The following TECPR2 variants were observed in gnomAD, a reference collection of about 807,000 sequenced individuals.
The protein encoded by TECPR2 is tectonin beta-propeller repeat-containing protein 2.
A neutral mutation model predicts 138.1 loss-of-function variants in TECPR2; 65 were observed. The ratio of observed to expected loss-of-function variants is 0.47; its 90% confidence interval spans 0.39 to 0.58. The LOEUF (loss-of-function observed/expected upper bound fraction) is 0.58, where lower values mean the gene tolerates loss of function less well. Among genes scored for constraint, TECPR2 ranks in the 20% least tolerant of loss-of-function variants. The pLI is 0.00. For synonymous variants in TECPR2, 746 were observed against 749.8 expected, an observed-to-expected ratio of 0.99 and a Z score of 0.08; for missense variants, 1,553 against 1,824.5, an observed-to-expected ratio of 0.85 and a Z score of 2.71.
At chr14:102,479,016 C>CAAAA (rs34162369) in intron 17 of TECPR2, among the ~76,000 whole-genome samples, 1 of 102,090 alleles carries the variant, frequency 9.8e-6, no homozygotes, top group African/African-American at 3.7e-5. Flanking sequence ...GGCCCTGTCT[C>CAAAA]AAAAAAAAAA....
At chr14:102,374,004 G>A (rs557430784) in intron 1 of TECPR2, among the ~76,000 whole-genome samples, 6 of 150,488 alleles carry the variant, frequency 4.0e-5, no homozygotes, top group Admixed American at 4.0e-4. Context: ...CCCAGGAGGC[G>A]AGTGTTGCAG....
In TECPR2 at chr14:102,496,970, C is replaced by T. The variant is rs771741492; in HGVS notation, c.3790-9C>T. The T allele has an allele frequency of 2.6e-5, 42 of 1,612,884 alleles. No homozygotes were observed. In the East Asian group the frequency reaches 2.9e-4, roughly 11 times the overall value. On this transcript the variant is annotated splice_polypyrimidine_tract_variant and intron_variant, in intron 17 of 19. Coordinates refer to ENST00000359520, the MANE Select transcript of TECPR2 (RefSeq NM_014844.5). ...CCTGCCTTCCCTGAAAGTCCCTTCC[C>T]GCTTCCAGCCCGCCGGGGTCAGCTT...
At chr14:102,398,124 G>T (rs1197230491) in intron 2 of TECPR2, among the ~76,000 whole-genome samples, 1 of 149,884 alleles carries the variant, frequency 6.7e-6, no homozygotes, top group Non-Finnish European at 1.5e-5. Context: ...GGAAAACAGT[G>T]TACAAATAAA....
chr14:102,364,038 G>A (rs902351574), intron 1 of TECPR2, among the ~76,000 whole-genome samples: 2 of 152,158 alleles, frequency 1.3e-5, no homozygotes, highest in Middle Eastern at 3.4e-3. Flanking sequence ...ATTCTGTTCT[G>A]TGACTTATGT....
At chr14:102,495,043 T>C (rs1438999159) in intron 17 of TECPR2, among the ~76,000 whole-genome samples, 1 of 152,070 alleles carries the variant, frequency 6.6e-6, no homozygotes, top group Non-Finnish European at 1.5e-5. Context: ...TGAAACCCAG[T>C]GTCTACAACA....
intron 18 of TECPR2, 163 bp from the exon 19 acceptor site, chr14:102,497,407 G>T: frequency 3.6e-6 from 4 of 1,102,446 alleles, no homozygotes; most frequent in Non-Finnish European, 4.9e-6. Flanking sequence ...CTGCCAACTG[G>T]TCGTCCTTTC....
intron 1 of TECPR2, among the ~76,000 whole-genome samples, chr14:102,374,781 T>C (rs1192030121): frequency 6.6e-6 from 1 of 152,188 alleles, no homozygotes; most frequent in Non-Finnish European, 1.5e-5. Context: ...TTCTCCCACC[T>C]TGGCCTCCCA....
intron 14 of TECPR2, 135 bp from the exon 15 acceptor site, chr14:102,450,425 T>G: frequency 1.3e-6 from 1 of 791,286 alleles, no homozygotes; most frequent in Non-Finnish European, 2.1e-6. Context: ...ATTGCTCATG[T>G]CGCTTTATTT....
chr14:102,478,401 C>T (rs1337373715), intron 17 of TECPR2, among the ~76,000 whole-genome samples: 5 of 151,470 alleles, frequency 3.3e-5, no homozygotes, highest in African/African-American at 4.8e-5. Context: ...TTTAAATGGG[C>T]CGGGTGTGGT....
chr14:102,409,280 C>T (rs1888750847), intron 4 of TECPR2, among the ~76,000 whole-genome samples: 1 of 151,886 alleles, frequency 6.6e-6, no homozygotes, highest in Non-Finnish European at 1.5e-5. Flanking sequence ...GCCTTCATTC[C>T]TAGAGCACTA....
intron 17 of TECPR2, among the ~76,000 whole-genome samples, chr14:102,479,667 G>T (rs1442089381): frequency 6.6e-6 from 1 of 152,196 alleles, no homozygotes; most frequent in Admixed American, 6.5e-5. Context: ...TTGTTTTGGG[G>T]CAGAAGAAGC....
At position 102,501,901 on chromosome 14, in the gene TECPR2, T is replaced by C. The variant is rs761046913; in HGVS notation, c.*3644T>C. On this transcript the variant is annotated 3_prime_UTR_variant, in exon 20 of 20. Coordinates refer to ENST00000359520, the MANE Select transcript of TECPR2 (RefSeq NM_014844.5). ...AAGCAGAGGTGAGATGGGAGCAGCT[T>C]GGGAGCCCCCCATTGGCGCCGCCCT... The C allele has an allele frequency of 1.3e-5, 2 of 152,228 alleles. No homozygotes were observed. Among genetic ancestry groups the C allele is most frequent in the Admixed American group, 6.5e-5 (1 of 15,284 alleles). 9.4% of individuals were successfully genotyped at this position (152,228 alleles called of 1,614,324 possible). A position where few individuals can be genotyped will look rare whatever the true frequency, so the allele number is the denominator to read the frequency against.
rs181612468 is a variant in TECPR2 at position 102,470,971 on chromosome 14, G to A, written c.3789+5682G>A. ...GTAGCTGGGATTACAGGCATGCACC[G>A]CCACACCCAGCTAATTTTTGTATTT... On this transcript the variant is annotated intron_variant, in intron 17 of 19. Coordinates refer to ENST00000359520, the MANE Select transcript of TECPR2 (RefSeq NM_014844.5). Among the ~76,000 whole-genome samples the A allele has an allele frequency of 6.3e-3, 963 of 151,940 alleles. 17 individuals are homozygous for A. The highest frequency in any genetic ancestry group is 0.022 in the African/African-American group (921 of 41,474).
chr14:102,454,284 G>A (rs554547314), intron 16 of TECPR2, among the ~76,000 whole-genome samples: 32 of 152,194 alleles, frequency 2.1e-4, no homozygotes, highest in Non-Finnish European at 4.1e-4. Flanking sequence ...AGCAAGCATC[G>A]TCCTAGGCTG....
At chr14:102,454,715 G>A (rs561413527) in intron 16 of TECPR2, among the ~76,000 whole-genome samples, 2 of 152,360 alleles carry the variant, frequency 1.3e-5, no homozygotes, top group Admixed American at 6.5e-5. Flanking sequence ...AGTTCCCTCT[G>A]AGGGTAAAAA....
chr14:102,441,979 T>TGTC (rs1262605276), intron 11 of TECPR2, among the ~76,000 whole-genome samples: 1 of 152,054 alleles, frequency 6.6e-6, no homozygotes, highest in Non-Finnish European at 1.5e-5. Flanking sequence ...TCCAGGAGAA[T>TGTC]GTTGTTGTTG....
chr14:102,391,582 A>G (rs1888178345), intron 2 of TECPR2, among the ~76,000 whole-genome samples: 1 of 152,162 alleles, frequency 6.6e-6, no homozygotes, highest in Non-Finnish European at 1.5e-5. Context: ...TAAGCTGTAC[A>G]TGTTATATAT....
chr14:102,499,571 T>A lies in TECPR2; in HGVS notation c.*1314T>A. The stretch of plus-strand genomic sequence containing the variant: ...CCCATGCCTTCTGCGGGGTATGGGT[T>A]GACACTTGACAGGTTGAAACCAGTG... On this transcript the variant is annotated 3_prime_UTR_variant, in exon 20 of 20. Coordinates refer to ENST00000359520, the MANE Select transcript of TECPR2 (RefSeq NM_014844.5). 3.1e-6 allele frequency: 1 copy of A among 318,362 alleles called. No individual in the cohort carries two copies. The highest frequency in any genetic ancestry group is 7.3e-5 in the East Asian group (1 of 13,722). The allele number at this position is 318,362 out of a possible 1,614,324, so 19.7% of individuals were successfully genotyped here. A position where few individuals can be genotyped will look rare whatever the true frequency, so the allele number is the denominator to read the frequency against.
chr14:102,384,949 T>C (rs1181639679), intron 2 of TECPR2, among the ~76,000 whole-genome samples: 1 of 140,404 alleles, frequency 7.1e-6, no homozygotes, highest in African/African-American at 2.6e-5. Flanking sequence ...CTCTGCCTCC[T>C]AGGTTCCAGC....
Sources: allele counts gnomAD v4.1 joint callset (sites outside exome capture counted in the v4.1 genomes callset), GRCh38; gene constraint gnomAD v4.1.1; transcripts MANE v1.5; gene names NCBI Gene and HGNC (gene_info 2026-07-23, HGNC 2026-07-21).